The following SH3RF3 variants were observed in gnomAD, a reference collection of about 807,000 sequenced individuals.
SH3RF3 encodes E3 ubiquitin-protein ligase SH3RF3.
In SH3RF3, 29 loss-of-function variants were observed where a neutral mutation model predicts 66.3. That is an observed-to-expected ratio of 0.44 (90% CI 0.33 to 0.60). The LOEUF is 0.60. Ranked by LOEUF, SH3RF3 falls within the 20% of genes least tolerant of loss-of-function variation. SH3RF3 has a pLI of 0.04. For synonymous variants in SH3RF3, 583 were observed against 532.0 expected, an observed-to-expected ratio of 1.10 and a Z score of -1.32; for missense variants, 1,194 against 1,190.9, an observed-to-expected ratio of 1.00 and a Z score of -0.04.
intron 1 of SH3RF3, among the ~76,000 whole-genome samples, chr2:109,154,770 T>C (rs1677298982): frequency 6.6e-6 from 1 of 151,962 alleles, no homozygotes. Flanking sequence ...AGTCTCAGAG[T>C]GTATGTGTTT....
At chr2:109,194,413 CCA>C (rs920920377) in intron 1 of SH3RF3, among the ~76,000 whole-genome samples, 56 of 152,342 alleles carry the variant, frequency 3.7e-4, no homozygotes, top group African/African-American at 1.3e-3. Context: ...CCCCTGCCAT[CCA>C]CAGTCTTCAG....
At chr2:109,494,455 G>A (rs991856265) in intron 9 of SH3RF3, among the ~76,000 whole-genome samples, 2 of 152,196 alleles carry the variant, frequency 1.3e-5, no homozygotes, top group African/African-American at 4.8e-5. Context: ...GCAGGTCGGA[G>A]CTGAGGGCAT....
intron 8 of SH3RF3, among the ~76,000 whole-genome samples, chr2:109,485,150 C>G (rs570928363): frequency 4.7e-4 from 71 of 152,322 alleles, no homozygotes; most frequent in Non-Finnish European, 7.3e-4. Flanking sequence ...CCTGACCCAG[C>G]GTTTGGTGTG....
intron 4 of SH3RF3, among the ~76,000 whole-genome samples, chr2:109,409,645 G>T (rs1431036547): frequency 2.0e-5 from 3 of 152,216 alleles, no homozygotes; most frequent in African/African-American, 7.2e-5. Context: ...CGTGGCTGCT[G>T]CCTCTCCCAG....
chr2:109,204,059 G>A (rs990817765), intron 1 of SH3RF3, among the ~76,000 whole-genome samples: 1 of 152,186 alleles, frequency 6.6e-6, no homozygotes, highest in African/African-American at 2.4e-5. Context: ...TTCGAAAAAT[G>A]CCTGGATTTG....
intron 1 of SH3RF3, among the ~76,000 whole-genome samples, chr2:109,146,988 C>A (rs1279355077): frequency 6.7e-6 from 1 of 149,644 alleles, no homozygotes; most frequent in Non-Finnish European, 1.5e-5. Flanking sequence ...GGGCCCTTCC[C>A]TGGGACTCAT....
chr2:109,207,917 T>G (rs1678878621), intron 1 of SH3RF3, among the ~76,000 whole-genome samples: 1 of 152,238 alleles, frequency 6.6e-6, no homozygotes, highest in South Asian at 2.1e-4. Flanking sequence ...CCAGGGATCT[T>G]GGCTTAGTTT....
intron 1 of SH3RF3, among the ~76,000 whole-genome samples, chr2:109,280,777 G>A (rs1410054905): frequency 6.6e-6 from 1 of 152,210 alleles, no homozygotes; most frequent in Non-Finnish European, 1.5e-5. Context: ...GGGCGCTGCA[G>A]GGTTCATCTC....
chr2:109,220,848 GTTTGAACATGCAATTACTGTATAA>G (rs1679216414), intron 1 of SH3RF3, among the ~76,000 whole-genome samples: 1 of 152,214 alleles, frequency 6.6e-6, no homozygotes. Flanking sequence ...TGTGAAAGGA[GTTTGAACATGCAATTACTGTATAA>G]TTTGAACACA....
chr2:109,171,726 G>A (rs989737708), intron 1 of SH3RF3, among the ~76,000 whole-genome samples: 1 of 152,252 alleles, frequency 6.6e-6, no homozygotes, highest in South Asian at 2.1e-4. Flanking sequence ...CAGCCCCTGC[G>A]CCTGGCGCTG....
intron 1 of SH3RF3, among the ~76,000 whole-genome samples, chr2:109,189,684 T>C (rs890677053): frequency 2.6e-5 from 4 of 152,110 alleles, no homozygotes; most frequent in African/African-American, 9.7e-5. Flanking sequence ...TAATGTATTG[T>C]GTAATAATCA....
intron 1 of SH3RF3, among the ~76,000 whole-genome samples, chr2:109,205,899 G>C (rs549008659): frequency 6.6e-6 from 1 of 152,108 alleles, no homozygotes; most frequent in Non-Finnish European, 1.5e-5. Flanking sequence ...CCAACTGAAG[G>C]GTTATGAATT....
chr2:109,275,350 G>A lies in SH3RF3; in HGVS notation c.574-72324G>A, dbSNP rs117496870. Among the ~76,000 whole-genome samples the A allele has an allele frequency of 1.5e-4, 23 of 152,290 alleles. No homozygotes were observed. In the East Asian group the frequency reaches 3.9e-3, roughly 26 times the overall value. On this transcript the variant is annotated intron_variant, in intron 1 of 9. Transcript: ENST00000309415. Reference sequence around the variant, plus strand: ...GGCTTCAGTTTATATTTGTGATAACGTTGATAAGTTGCTCAGAGCCCTGCC... The same window carrying A: ...GGCTTCAGTTTATATTTGTGATAACATTGATAAGTTGCTCAGAGCCCTGCC...
At chr2:109,297,858 C>G (rs542140338) in intron 1 of SH3RF3, among the ~76,000 whole-genome samples, 2 of 152,168 alleles carry the variant, frequency 1.3e-5, no homozygotes, top group Admixed American at 1.3e-4. Context: ...GCCAGTTCGC[C>G]CCACCCAGGC....
intron 2 of SH3RF3, among the ~76,000 whole-genome samples, chr2:109,348,348 C>T (rs115772930): frequency 6.6e-6 from 1 of 152,292 alleles, no homozygotes; most frequent in African/African-American, 2.4e-5. Context: ...GGGGAAACTG[C>T]TACAGAGACC....
intron 1 of SH3RF3, among the ~76,000 whole-genome samples, chr2:109,297,786 C>T (rs73955514): frequency 0.011 from 1,594 of 151,582 alleles, 32 homozygotes; most frequent in African/African-American, 0.036. Context: ...TCATTGCCCC[C>T]AACTAGGTCA....
At chr2:109,351,288 A>G (rs757448432) in intron 2 of SH3RF3, among the ~76,000 whole-genome samples, 4 of 152,220 alleles carry the variant, frequency 2.6e-5, no homozygotes, top group Non-Finnish European at 5.9e-5. Context: ...GCCCCATGCC[A>G]GCTGTGTGAC....
intron 1 of SH3RF3, among the ~76,000 whole-genome samples, chr2:109,201,623 A>C (rs768959673): frequency 1.3e-5 from 2 of 152,162 alleles, no homozygotes; most frequent in Non-Finnish European, 2.9e-5. Flanking sequence ...CTCTCACAGC[A>C]TGGCCTTCGT....
rs912244095 is a variant in SH3RF3 at position 109,207,829 on chromosome 2, A to C, written c.573+77716A>C. Among the ~76,000 whole-genome samples the C allele has an allele frequency of 3.9e-4, 59 of 152,202 alleles. 1 individual carries two copies. The highest frequency in any genetic ancestry group is 4.4e-5 in the Non-Finnish European group (3 of 68,024). ...TGGCACAATTTTCTTTTTTAAAAAA[A>C]ATTAAACTATACCTCATATTGTTTG... On this transcript the variant is annotated intron_variant, in intron 1 of 9. Coordinates refer to ENST00000309415, the MANE Select transcript of SH3RF3 (RefSeq NM_001099289.3).
Sources: gnomAD v4.1 joint callset for allele counts (sites outside exome capture counted in the v4.1 genomes callset) on GRCh38, gnomAD v4.1.1 for gene constraint, MANE v1.5 for transcripts, NCBI Gene and HGNC (gene_info 2026-07-23, HGNC 2026-07-21) for gene names.